EDIL3: variants seen among roughly 807,000 people sequenced by gnomAD.
EDIL3 encodes EGF-like repeat and discoidin I-like domain-containing protein 3.
Under a neutral mutation model 67.4 loss-of-function variants are expected in EDIL3, and 37 were observed. The observed-to-expected ratio is 0.55, with a 90% CI of 0.42 to 0.72. The LOEUF is 0.72. Ranked by LOEUF, EDIL3 falls within the 30% of genes least tolerant of loss-of-function variation. The probability of loss-of-function intolerance (pLI) is 0.00; values close to 1 mark genes in which losing one functional copy is unlikely to be tolerated. For synonymous variants in EDIL3, 195 were observed against 196.3 expected (o/e 0.99, Z 0.05); for missense variants, 527 against 586.3 (o/e 0.90, Z 1.04).
rs1739450937 is a variant in EDIL3 at position 84,384,804 on chromosome 5, A to C, written c.-430T>G. On this transcript the variant is annotated 5_prime_UTR_variant, in exon 1 of 11. Coordinates refer to ENST00000296591, the MANE Select transcript of EDIL3 (RefSeq NM_005711.5). ...GGCTGCGGGGCTTCTGACTTGGAGAACAATGAAGCGTGAGCTGGAGGGGAG... is the reference window on the plus strand; with the variant it reads ...GGCTGCGGGGCTTCTGACTTGGAGACCAATGAAGCGTGAGCTGGAGGGGAG... The C allele has an allele frequency of 6.6e-6, 1 of 152,434 alleles. No homozygotes were observed. Among genetic ancestry groups the C allele is most frequent in the African/African-American group, 2.4e-5 (1 of 41,426 alleles). The allele number at this position is 152,434 out of a possible 1,614,324, so 9.4% of individuals were successfully genotyped here.
intron 5 of EDIL3, 128 bp from the exon 6 acceptor site, chr5:84,106,958 C>T (rs2112283849): frequency 1.0e-6 from 1 of 992,244 alleles, no homozygotes; most frequent in Non-Finnish European, 1.4e-6. Context: ...TACTCTTCAT[C>T]CCCTTTACAG....
chr5:84,242,064 CAA>C (rs397702402), intron 2 of EDIL3, among the ~76,000 whole-genome samples: 52 of 122,312 alleles, frequency 4.3e-4, no homozygotes, highest in Middle Eastern at 4.2e-3. Flanking sequence ...ACTAAAAGTA[CAA>C]AAAAAAAAAA....
At chr5:84,131,043 A>G (rs1025484301) in intron 5 of EDIL3, among the ~76,000 whole-genome samples, 1 of 152,174 alleles carries the variant, frequency 6.6e-6, no homozygotes, top group South Asian at 2.1e-4. Context: ...AGTTGTTTGC[A>G]TAAATAATAA....
At chr5:84,145,077 G>A (rs1344785897) in intron 4 of EDIL3, among the ~76,000 whole-genome samples, 1 of 152,060 alleles carries the variant, frequency 6.6e-6, no homozygotes, top group Non-Finnish European at 1.5e-5. Context: ...AGCAGCTCCT[G>A]TTCTAAGAGA....
intron 6 of EDIL3, among the ~76,000 whole-genome samples, chr5:84,069,557 GTT>G (rs201568029): frequency 6.6e-6 from 1 of 150,472 alleles, no homozygotes; most frequent in African/African-American, 2.4e-5. Context: ...TAAGTTTTTG[GTT>G]TTTTTTTACA....
chr5:84,176,198 AAT>A (rs561062432), intron 4 of EDIL3, among the ~76,000 whole-genome samples: 10,600 of 76,658 alleles, frequency 0.14, 457 homozygotes, highest in South Asian at 0.17. Context: ...ATATATATAT[AAT>A]ATATATATAT....
At chr5:84,130,164 A>G (rs1272230639) in intron 5 of EDIL3, among the ~76,000 whole-genome samples, 1 of 152,104 alleles carries the variant, frequency 6.6e-6, no homozygotes, top group African/African-American at 2.4e-5. Flanking sequence ...AACTCCCCCA[A>G]ACAAAAGGCT....
At chr5:84,377,394 C>G (rs576911068) in intron 1 of EDIL3, among the ~76,000 whole-genome samples, 9 of 151,248 alleles carry the variant, frequency 6.0e-5, no homozygotes, top group African/African-American at 2.2e-4. Flanking sequence ...CTCTACATTA[C>G]AGAGAGGGAT....
chr5:84,257,198 C>T (rs1745137712), intron 1 of EDIL3, among the ~76,000 whole-genome samples: 1 of 152,076 alleles, frequency 6.6e-6, no homozygotes, highest in African/African-American at 2.4e-5. Flanking sequence ...AGAAACCTTC[C>T]ATGGCCCCTC....
chr5:84,204,943 T>G (rs1743931758), intron 3 of EDIL3, among the ~76,000 whole-genome samples: 1 of 152,168 alleles, frequency 6.6e-6, no homozygotes, highest in African/African-American at 2.4e-5. Flanking sequence ...GACAGAGTCT[T>G]GCTCTGTTGC....
At chr5:84,172,622 A>G (rs1029397690) in intron 4 of EDIL3, among the ~76,000 whole-genome samples, 1 of 152,102 alleles carries the variant, frequency 6.6e-6, no homozygotes, top group Admixed American at 6.5e-5. Flanking sequence ...AAAAATAAAA[A>G]TAAAAGAAAA....
At chr5:84,035,945 A>G (rs1746015610) in intron 9 of EDIL3, among the ~76,000 whole-genome samples, 1 of 152,220 alleles carries the variant, frequency 6.6e-6, no homozygotes, top group Admixed American at 6.5e-5. Flanking sequence ...GCAGGAAACT[A>G]TTCTTCTGTC....
intron 8 of EDIL3, among the ~76,000 whole-genome samples, chr5:84,060,892 T>G (rs935907883): frequency 1.3e-5 from 2 of 152,188 alleles, no homozygotes; most frequent in East Asian, 3.9e-4. Flanking sequence ...TTGTTTTTCT[T>G]TTATTTGTTT....
intron 1 of EDIL3, among the ~76,000 whole-genome samples, chr5:84,255,423 A>C (rs1352124246): frequency 6.6e-6 from 1 of 152,176 alleles, no homozygotes; most frequent in Non-Finnish European, 1.5e-5. Context: ...GTCTGGAGTA[A>C]AAAGCAGGCT....
At chr5:84,338,415 C>T (rs1032800007) in intron 1 of EDIL3, among the ~76,000 whole-genome samples, 2 of 152,202 alleles carry the variant, frequency 1.3e-5, no homozygotes, top group South Asian at 4.1e-4. Flanking sequence ...CAGCTATAAA[C>T]TCAAGTTGTA....
intron 6 of EDIL3, among the ~76,000 whole-genome samples, chr5:84,083,680 G>T (rs1391578830): frequency 6.6e-6 from 1 of 151,892 alleles, no homozygotes; most frequent in Non-Finnish European, 1.5e-5. Context: ...AGGGTTATCT[G>T]AGTCTTAAAG....
chr5:84,252,518 A>AAAAAAAAAAAAAAAAAAAAAAAAAAAAG (rs1745045066), intron 2 of EDIL3, among the ~76,000 whole-genome samples: 1 of 148,670 alleles, frequency 6.7e-6, no homozygotes, highest in Non-Finnish European at 1.5e-5. Context: ...AAAAAAAAAA[A>AAAAAAAAAAAAAAAAAAAAAAAAAAAAG]TTCTGCTAAG....
At chr5:84,098,344 C>G (rs949416637) in intron 6 of EDIL3, among the ~76,000 whole-genome samples, 5 of 151,966 alleles carry the variant, frequency 3.3e-5, no homozygotes, top group African/African-American at 1.2e-4. Context: ...GCGAAGTACT[C>G]AAAGGTTTCA....
At chr5:84,233,376 A>C (rs1744620514) in intron 2 of EDIL3, among the ~76,000 whole-genome samples, 1 of 152,042 alleles carries the variant, frequency 6.6e-6, no homozygotes, top group Non-Finnish European at 1.5e-5. Flanking sequence ...GAGAATTCTG[A>C]CTCTAACCCA....
Sources: gnomAD v4.1 joint callset for allele counts (sites outside exome capture counted in the v4.1 genomes callset) on GRCh38, gnomAD v4.1.1 for gene constraint, MANE v1.5 for transcripts, NCBI Gene and HGNC (gene_info 2026-07-23, HGNC 2026-07-21) for gene names.